The following METAP1 variants were observed in gnomAD, a reference collection of about 807,000 sequenced individuals.
METAP1 encodes methionine aminopeptidase 1.
METAP1 carries 28 observed loss-of-function variants against 53.8 expected under a neutral mutation model. The ratio of observed to expected loss-of-function variants is 0.52; its 90% CI spans 0.39 to 0.71. The LOEUF (loss-of-function observed/expected upper bound fraction) is 0.71, where lower values mean the gene tolerates loss of function less well. Among genes scored for constraint, METAP1 ranks in the 30% least tolerant of loss-of-function variants. The pLI is 0.00. For missense variants in METAP1, 389 were observed against 479.8 expected (o/e 0.81, Z 1.77); for synonymous variants, 181 against 165.7 (o/e 1.09, Z -0.71).
chr4:99,039,143 T>G, intron 4 of METAP1: 1 of 376,050 alleles, frequency 2.7e-6, no homozygotes, highest in Non-Finnish European at 4.8e-6. Context: ...TGATTTCTAA[T>G]AGGTCTGAAA....
intron 1 of METAP1, among the ~76,000 whole-genome samples, chr4:99,010,962 A>C (rs1723437128): frequency 2.6e-5 from 4 of 151,792 alleles, no homozygotes; most frequent in Admixed American, 2.0e-4. Context: ...ATTTATCTTA[A>C]AATTATTCAT....
chr4:99,035,774 A>G (rs527788576), intron 4 of METAP1, among the ~76,000 whole-genome samples: 48 of 152,256 alleles, frequency 3.2e-4, no homozygotes, highest in African/African-American at 1.1e-3. Flanking sequence ...AAATTAAACA[A>G]TATCTATTTA....
chr4:99,048,144 T>A (rs1726408487), intron 8 of METAP1, among the ~76,000 whole-genome samples: 1 of 152,178 alleles, frequency 6.6e-6, no homozygotes, highest in East Asian at 1.9e-4. Flanking sequence ...TTCCTCTCTA[T>A]TTTTCTCTGT....
At chr4:99,059,324 T>C (rs1560742878) in intron 10 of METAP1, among the ~76,000 whole-genome samples, 1 of 152,228 alleles carries the variant, frequency 6.6e-6, no homozygotes, top group Non-Finnish European at 1.5e-5. Context: ...ATTACAGTAG[T>C]AATGTTTTAA....
chr4:99,053,171 C>G (rs940129712), intron 9 of METAP1, among the ~76,000 whole-genome samples: 1 of 152,212 alleles, frequency 6.6e-6, no homozygotes, highest in Non-Finnish European at 1.5e-5. Flanking sequence ...CTGCCCAACT[C>G]ATGTTAATAT....
At chr4:99,016,883 G>A (rs1723798411) in intron 1 of METAP1, among the ~76,000 whole-genome samples, 1 of 152,202 alleles carries the variant, frequency 6.6e-6, no homozygotes, top group African/African-American at 2.4e-5. Context: ...AAGTGGGACA[G>A]AACTTCTTTC....
At chr4:99,053,897 T>C (rs1046818122) in intron 9 of METAP1, among the ~76,000 whole-genome samples, 1 of 150,310 alleles carries the variant, frequency 6.7e-6, no homozygotes, top group African/African-American at 2.4e-5. Flanking sequence ...CTATATTATA[T>C]GTTAATTATA....
At chr4:99,007,797 C>T (rs767193016) in intron 1 of METAP1, among the ~76,000 whole-genome samples, 1 of 152,212 alleles carries the variant, frequency 6.6e-6, no homozygotes, top group Non-Finnish European at 1.5e-5. Context: ...TTTTGAGTCT[C>T]CTCCATTACT....
At chr4:99,047,926 C>T (rs1056156806) in intron 8 of METAP1, among the ~76,000 whole-genome samples, 1 of 152,150 alleles carries the variant, frequency 6.6e-6, no homozygotes, top group African/African-American at 2.4e-5. Context: ...CCTGTAGAGG[C>T]AGTCATGGAA....
chr4:99,030,222 CT>C (rs1724906595), intron 2 of METAP1, among the ~76,000 whole-genome samples: 1 of 152,130 alleles, frequency 6.6e-6, no homozygotes, highest in South Asian at 2.1e-4. Flanking sequence ...AAATCGGCCT[CT>C]CCCTCAGATT....
chr4:99,049,577 C>T (rs1726536093), intron 9 of METAP1, among the ~76,000 whole-genome samples: 1 of 152,088 alleles, frequency 6.6e-6, no homozygotes. Context: ...TAATATCTTA[C>T]AGAAACATTT....
At chr4:99,058,669 A>T (rs7687617) in intron 10 of METAP1, among the ~76,000 whole-genome samples, 11,986 of 152,124 alleles carry the variant, frequency 0.079, 1,200 homozygotes, top group East Asian at 0.57. Flanking sequence ...TCTTTTTATA[A>T]CCCAGTCTTG....
At chr4:99,026,800 T>C in intron 1 of METAP1, 1 of 985,384 alleles carries the variant, frequency 1.0e-6, no homozygotes, top group Middle Eastern at 5.2e-4. Flanking sequence ...ATTAATGATG[T>C]TGAAGACCAT....
At chr4:99,007,209 G>A (rs751294439) in intron 1 of METAP1, among the ~76,000 whole-genome samples, 1 of 151,910 alleles carries the variant, frequency 6.6e-6, no homozygotes, top group East Asian at 1.9e-4. Flanking sequence ...TGCTTGCCTC[G>A]GCCTCCCAAA....
intron 1 of METAP1, among the ~76,000 whole-genome samples, chr4:99,012,239 C>T (rs896587350): frequency 8.0e-6 from 1 of 124,892 alleles, no homozygotes; most frequent in African/African-American, 3.0e-5. Context: ...TTTTCTAGTT[C>T]TTGAGGTAAA....
chr4:99,031,960 T>A (rs1725070691), intron 2 of METAP1, among the ~76,000 whole-genome samples: 1 of 152,212 alleles, frequency 6.6e-6, no homozygotes, highest in South Asian at 2.1e-4. Context: ...TTGTACAGTC[T>A]TTTCAAAAAG....
intron 10 of METAP1, 98 bp downstream of exon 10, chr4:99,057,916 C>A: frequency 9.8e-7 from 1 of 1,018,518 alleles, no homozygotes; most frequent in Non-Finnish European, 1.4e-6. Flanking sequence ...TTGCTTTTTG[C>A]TTCCTACTCA....
intron 1 of METAP1, among the ~76,000 whole-genome samples, chr4:99,001,456 A>T (rs1232003256): frequency 6.6e-6 from 1 of 152,216 alleles, no homozygotes; most frequent in African/African-American, 2.4e-5. Context: ...TATTCTTAAG[A>T]ACATATTTGC....
chr4:99,012,518 G>T (rs1723528844), intron 1 of METAP1, among the ~76,000 whole-genome samples: 1 of 151,954 alleles, frequency 6.6e-6, no homozygotes, highest in South Asian at 2.1e-4. Flanking sequence ...CAGGTGATCT[G>T]CCCCGCTTGG....
Sources: allele counts gnomAD v4.1 joint callset (sites outside exome capture counted in the v4.1 genomes callset), GRCh38; gene constraint gnomAD v4.1.1; transcripts MANE v1.5; gene names NCBI Gene and HGNC (gene_info 2026-07-23, HGNC 2026-07-21).